Variants in SEMA3C observed in about 807,000 individuals in gnomAD.
SEMA3C encodes the protein semaphorin-3C.
Under a neutral mutation model 89.4 loss-of-function variants are expected in SEMA3C, and 47 were observed. The ratio of observed to expected loss-of-function variants is 0.53; its 90% CI spans 0.42 to 0.67. The LOEUF (loss-of-function observed/expected upper bound fraction) is 0.67. SEMA3C is among the 30% of genes least tolerant of loss of function. The probability of loss-of-function intolerance (pLI) is 0.00; values close to 1 mark genes in which losing one functional copy is unlikely to be tolerated. For synonymous variants in SEMA3C, 310 were observed against 320.2 expected (o/e 0.97, Z 0.34); for missense variants, 839 against 929.1 (o/e 0.90, Z 1.26).
intron 2 of SEMA3C, among the ~76,000 whole-genome samples, chr7:80,893,778 A>C (rs769715676): frequency 1.1e-4 from 17 of 152,212 alleles, no homozygotes; most frequent in Non-Finnish European, 2.2e-4. Context: ...CAGAGAATAC[A>C]TTAAGGATAT....
At chr7:80,909,308 T>G (rs1306983077) in intron 2 of SEMA3C, among the ~76,000 whole-genome samples, 1 of 152,152 alleles carries the variant, frequency 6.6e-6, no homozygotes, top group South Asian at 2.1e-4. Flanking sequence ...AGAAATCTTC[T>G]GTAAAATTAC....
In SEMA3C at chr7:80,805,379, A is replaced by G. The variant is rs565258390; in HGVS notation, c.658+260T>C. Among the ~76,000 whole-genome samples the G allele has an allele frequency of 1.3e-3, 198 of 152,246 alleles. 1 individual carries two copies. The highest frequency in any genetic ancestry group is 4.2e-3 in the African/African-American group (173 of 41,578). ...ATGCTTGGGTACTGAAATATAAATT[A>G]TCACTGTCACTTTTATTTATTCATA... On this transcript the variant is annotated intron_variant, in intron 7 of 17. Transcript: ENST00000265361.
chr7:80,791,143 C>A (rs1487503962), intron 11 of SEMA3C, among the ~76,000 whole-genome samples: 1 of 151,796 alleles, frequency 6.6e-6, no homozygotes, highest in African/African-American at 2.4e-5. Context: ...GACTGCTGAA[C>A]AGCGTCAGCA....
rs960433132 is a variant in SEMA3C, at chr7:80,899,453, CTTGTT to C, written c.103+17221_103+17225del. On this transcript the variant is annotated intron_variant, in intron 2 of 17. Transcript: ENST00000265361. ...ATTGTTAGAAAGATATGATATACAC[CTTGTT>C]TTATGACTTTAACTTTTTTCTAATT... Among the ~76,000 whole-genome samples, 277 of 152,194 alleles carry C rather than the reference CTTGTT, an allele frequency of 1.8e-3. 3 individuals are homozygous for C. The highest frequency in any genetic ancestry group is 6.3e-3 in the African/African-American group (263 of 41,516).
At chr7:80,880,562 T>TG in intron 2 of SEMA3C, among the ~76,000 whole-genome samples, 1 of 152,302 alleles carries the variant, frequency 6.6e-6, no homozygotes, top group Non-Finnish European at 1.5e-5. Context: ...TATCTATGCC[T>TG]GGGGGGAAAT....
intron 10 of SEMA3C, among the ~76,000 whole-genome samples, chr7:80,799,978 C>A (rs1192827306): frequency 6.6e-6 from 1 of 151,494 alleles, no homozygotes; most frequent in Non-Finnish European, 1.5e-5. Context: ...ATGGTGTAAC[C>A]CCACCTCTAC....
At chr7:80,828,447 TACTA>T in intron 3 of SEMA3C, 134 bp downstream of exon 3, 1 of 661,438 alleles carries the variant, frequency 1.5e-6, no homozygotes, top group Non-Finnish European at 2.4e-6. Context: ...ATGAAATAAG[TACTA>T]ACTTTCATAG....
At chr7:80,921,351 C>T (rs1298646443), upstream of SEMA3C, among the ~76,000 whole-genome samples, 7 of 152,078 alleles carry the variant, frequency 4.6e-5, no homozygotes, top group Admixed American at 3.9e-4. Context: ...AGGCTTTAGC[C>T]AAGATAGATT....
At chr7:80,823,363 A>G (rs2115788716) in intron 4 of SEMA3C, among the ~76,000 whole-genome samples, 1 of 152,298 alleles carries the variant, frequency 6.6e-6, no homozygotes, top group Non-Finnish European at 1.5e-5. Flanking sequence ...AGAGCTAATA[A>G]GAGATGGTTT....
At chr7:80,864,207 G>A (rs536915996) in intron 2 of SEMA3C, among the ~76,000 whole-genome samples, 11 of 151,994 alleles carry the variant, frequency 7.2e-5, no homozygotes, top group South Asian at 4.2e-4. Flanking sequence ...ATGCAAAGGC[G>A]TTAAGAATGA....
chr7:80,838,943 T>C (rs1790201294), intron 2 of SEMA3C, among the ~76,000 whole-genome samples: 1 of 152,158 alleles, frequency 6.6e-6, no homozygotes, highest in African/African-American at 2.4e-5. Context: ...AAAAAACATA[T>C]TTTACTTGTG....
chr7:80,900,912 G>A (rs114192222), intron 2 of SEMA3C, among the ~76,000 whole-genome samples: 1,669 of 152,324 alleles, frequency 0.011, 34 homozygotes, highest in African/African-American at 0.038. Context: ...TGTAATTTGT[G>A]TTTTAAGGTG....
At chr7:80,765,357 A>C in intron 12 of SEMA3C, 114 bp from the exon 13 acceptor site, 1 of 729,852 alleles carries the variant, frequency 1.4e-6, no homozygotes. Context: ...TAATCAAAAA[A>C]CATTGTATGT....
At chr7:80,775,762 G>C (rs1253219865) in intron 12 of SEMA3C, among the ~76,000 whole-genome samples, 1 of 151,862 alleles carries the variant, frequency 6.6e-6, no homozygotes, top group Non-Finnish European at 1.5e-5. Flanking sequence ...GTGGTCCAAG[G>C]TTCTGCAAGT....
chr7:80,894,908 A>G (rs1791697085), intron 2 of SEMA3C, among the ~76,000 whole-genome samples: 3 of 152,158 alleles, frequency 2.0e-5, no homozygotes. Flanking sequence ...TACGCTGCCT[A>G]GTAGCCAAGA....
chr7:80,827,559 T>G, intron 3 of SEMA3C, 72 bp from the exon 4 acceptor site: 1 of 1,263,694 alleles, frequency 7.9e-7, no homozygotes, highest in Non-Finnish European at 1.1e-6. Flanking sequence ...CTTCATTTAC[T>G]TTTTGTTAAC....
chr7:80,746,959 T>G (rs1175701294), intron 17 of SEMA3C, among the ~76,000 whole-genome samples: 2 of 152,070 alleles, frequency 1.3e-5, no homozygotes, highest in Non-Finnish European at 2.9e-5. Context: ...CTTTGCTCTG[T>G]GAGCTTTTAT....
rs1002737941 is a variant in SEMA3C at position 80,742,927 on chromosome 7, TAGAA to T, written c.*1963_*1966del. On this transcript the variant is annotated 3_prime_UTR_variant, in exon 18 of 18. Transcript: ENST00000265361. ...GTACACAATTTAATAATTGTGAAAATAGAAAGAATTAAATAGCACAAATATAGTA... is the reference window on the plus strand; with the variant it reads ...GTACACAATTTAATAATTGTGAAAATAGAATTAAATAGCACAAATATAGTA... 5.3e-5 allele frequency: 8 copies of T among 151,844 alleles called. No homozygotes were observed. The highest frequency in any genetic ancestry group is 1.9e-4 in the East Asian group (1 of 5,182). 9.4% of individuals were successfully genotyped at this position (151,844 alleles called of 1,614,324 possible). A position where few individuals can be genotyped will look rare whatever the true frequency, so the allele number is the denominator to read the frequency against.
chr7:80,786,270 A>G (rs1788799625), intron 12 of SEMA3C, among the ~76,000 whole-genome samples: 1 of 152,252 alleles, frequency 6.6e-6, no homozygotes, highest in Admixed American at 6.5e-5. Flanking sequence ...GAATTTGTGC[A>G]AAAGTATGCT....
Sources: gnomAD v4.1 joint callset for allele counts (sites outside exome capture counted in the v4.1 genomes callset) on GRCh38, gnomAD v4.1.1 for gene constraint, MANE v1.5 for transcripts, NCBI Gene and HGNC (gene_info 2026-07-23, HGNC 2026-07-21) for gene names.